ZNF385D: variants seen among roughly 807,000 people sequenced by gnomAD.
ZNF385D encodes the protein zinc finger protein 659.
ZNF385D carries 15 observed loss-of-function variants against 35.8 expected under a neutral mutation model. The observed-to-expected ratio is 0.42, with a 90% CI of 0.28 to 0.64. The LOEUF is 0.64. Ranked by LOEUF, ZNF385D falls within the 30% of genes least tolerant of loss-of-function variation. ZNF385D has a pLI of 0.23. For missense variants in ZNF385D, 474 were observed against 494.6 expected, an observed-to-expected ratio of 0.96 and a Z score of 0.39; for synonymous variants, 212 against 186.8, an observed-to-expected ratio of 1.13 and a Z score of -1.10.
intron 2 of ZNF385D, among the ~76,000 whole-genome samples, chr3:21,661,764 AG>A (rs1408424237): frequency 1.3e-5 from 2 of 152,116 alleles, no homozygotes; most frequent in African/African-American, 2.4e-5. Context: ...GGATCCTGAT[AG>A]TCTCATTGAA....
chr3:21,760,539 T>C (rs1265337474), intron 3 of ZNF385D, among the ~76,000 whole-genome samples: 1 of 152,208 alleles, frequency 6.6e-6, no homozygotes, highest in Non-Finnish European at 1.5e-5. Flanking sequence ...ATATTTAAAA[T>C]TATAAAATCA....
chr3:21,972,591 A>T (rs1171120912), intron 3 of ZNF385D, among the ~76,000 whole-genome samples: 1 of 151,976 alleles, frequency 6.6e-6, no homozygotes, highest in Admixed American at 6.6e-5. Context: ...TCGGAGCAGA[A>T]ATAAATGAAA....
intron 2 of ZNF385D, among the ~76,000 whole-genome samples, chr3:22,333,879 C>T (rs918104258): frequency 5.9e-5 from 9 of 152,244 alleles, no homozygotes; most frequent in African/African-American, 2.2e-4. Context: ...TCAGGTGGTA[C>T]TATATATTCT....
At chr3:22,255,164 C>T (rs1700250467) in intron 2 of ZNF385D, among the ~76,000 whole-genome samples, 1 of 150,950 alleles carries the variant, frequency 6.6e-6, no homozygotes, top group African/African-American at 2.4e-5. Context: ...TTGTATAGAC[C>T]TTGAAAAATG....
At chr3:21,840,337 G>C (rs2673523) in intron 3 of ZNF385D, among the ~76,000 whole-genome samples, 134,098 of 152,056 alleles carry the variant, frequency 0.88, 59,383 homozygotes, top group African/African-American at 0.95. Flanking sequence ...AGAAGAGCTG[G>C]AGGCAAGTGG....
At chr3:21,750,326 C>T (rs1266790758) in intron 1 of ZNF385D, among the ~76,000 whole-genome samples, 1 of 152,198 alleles carries the variant, frequency 6.6e-6, no homozygotes, top group Admixed American at 6.5e-5. Flanking sequence ...TCTCCGAGAC[C>T]TCTAAAGGTT....
chr3:21,569,314 TA>T (rs1238272592), intron 2 of ZNF385D, among the ~76,000 whole-genome samples: 1 of 149,080 alleles, frequency 6.7e-6, no homozygotes, highest in African/African-American at 2.5e-5. Flanking sequence ...TACCATTATG[TA>T]ATGGCCTTCT....
chr3:22,148,265 T>G (rs1704990814), intron 3 of ZNF385D, among the ~76,000 whole-genome samples: 1 of 152,184 alleles, frequency 6.6e-6, no homozygotes, highest in South Asian at 2.1e-4. Flanking sequence ...AGAGCCATAG[T>G]CCAGAAGCAG....
chr3:21,867,143 T>C (rs987039183), intron 3 of ZNF385D, among the ~76,000 whole-genome samples: 1 of 152,068 alleles, frequency 6.6e-6, no homozygotes, highest in African/African-American at 2.4e-5. Context: ...AAAATGGAGA[T>C]AAACACTGTG....
At chr3:21,998,056 T>C (rs1056941832) in intron 3 of ZNF385D, among the ~76,000 whole-genome samples, 8 of 152,058 alleles carry the variant, frequency 5.3e-5, no homozygotes, top group Non-Finnish European at 1.2e-4. Context: ...TAATAATATA[T>C]TTGCATGCTA....
chr3:22,350,974 T>C (rs768880252), intron 2 of ZNF385D, among the ~76,000 whole-genome samples: 7 of 152,030 alleles, frequency 4.6e-5, no homozygotes, highest in Admixed American at 6.6e-5. Flanking sequence ...CCTTAAGATA[T>C]CATAATTAGG....
chr3:21,511,838 G>A (rs768714938), intron 3 of ZNF385D: 2 of 451,356 alleles, frequency 4.4e-6, no homozygotes, highest in Admixed American at 2.4e-5. Flanking sequence ...TTTTTTTTGT[G>A]GGGGAGCGGT....
chr3:22,003,641 T>C (rs887863870), intron 3 of ZNF385D, among the ~76,000 whole-genome samples: 3 of 151,828 alleles, frequency 2.0e-5, no homozygotes, highest in Non-Finnish European at 4.4e-5. Context: ...CCAAGGTGAG[T>C]GGATCACTTG....
chr3:22,080,785 G>C (rs1041205465), intron 3 of ZNF385D, among the ~76,000 whole-genome samples: 1 of 152,058 alleles, frequency 6.6e-6, no homozygotes, highest in Non-Finnish European at 1.5e-5. Context: ...GTGTCATTTT[G>C]TTTGGGATTA....
At chr3:22,170,737 G>A (rs985305984) in intron 2 of ZNF385D, among the ~76,000 whole-genome samples, 7 of 152,060 alleles carry the variant, frequency 4.6e-5, no homozygotes. Context: ...AAAAATGTAA[G>A]TATCTATCCA....
intron 3 of ZNF385D, among the ~76,000 whole-genome samples, chr3:21,768,854 C>G (rs1313558475): frequency 6.6e-6 from 1 of 151,832 alleles, no homozygotes; most frequent in Admixed American, 6.6e-5. Context: ...TTTTTCCCTC[C>G]TTTGATTATT....
chr3:21,510,711 A>G (rs536596551), intron 4 of ZNF385D, 150 bp downstream of exon 4: 1 of 1,091,040 alleles, frequency 9.2e-7, no homozygotes, highest in African/African-American at 1.6e-5. Context: ...GTTTGGAAAA[A>G]TGAGAGGAAA....
At chr3:22,155,183 A>G (rs1464280737) in intron 3 of ZNF385D, among the ~76,000 whole-genome samples, 1 of 152,152 alleles carries the variant, frequency 6.6e-6, no homozygotes, top group Non-Finnish European at 1.5e-5. Context: ...ATCTATAATT[A>G]TTGTGTATCA....
intron 3 of ZNF385D, among the ~76,000 whole-genome samples, chr3:21,814,735 G>C (rs1489135634): frequency 6.6e-6 from 1 of 152,134 alleles, no homozygotes; most frequent in African/African-American, 2.4e-5. Flanking sequence ...ATAATAATGG[G>C]AGACTTTAAC....
Sources: allele counts gnomAD v4.1 joint callset (sites outside exome capture counted in the v4.1 genomes callset), GRCh38; gene constraint gnomAD v4.1.1; transcripts MANE v1.5; gene names NCBI Gene and HGNC (gene_info 2026-07-23, HGNC 2026-07-21).